Variants in SYCE2 observed in about 807,000 individuals in gnomAD.
The protein encoded by SYCE2 is central element synaptonemal complex 1.
Under a neutral mutation model 27.9 loss-of-function variants are expected in SYCE2, and 3 were observed. The ratio of observed to expected loss-of-function variants is 0.11; its 90% CI spans 0.05 to 0.28. The LOEUF is 0.28. Among genes scored for constraint, SYCE2 ranks in the 10% least tolerant of loss-of-function variants. The probability of loss-of-function intolerance (pLI) is 1.00; values close to 1 mark genes in which losing one functional copy is unlikely to be tolerated. For synonymous variants in SYCE2, 85 were observed against 100.7 expected, an observed-to-expected ratio of 0.84 and a Z score of 0.93; for missense variants, 207 against 263.5, an observed-to-expected ratio of 0.79 and a Z score of 1.48.
chr19:12,907,260 G>A (rs1970951080), intron 2 of SYCE2, among the ~76,000 whole-genome samples: 1 of 152,208 alleles, frequency 6.6e-6, no homozygotes, highest in Non-Finnish European at 1.5e-5. Flanking sequence ...CCTTCTCAAG[G>A]TGGAGGACAG....
Position 12,899,058 on chromosome 19 carries a change from G to C in SYCE2, c.*283C>G. On this transcript the variant is annotated 3_prime_UTR_variant, in exon 6 of 6. Coordinates refer to ENST00000293695, the MANE Select transcript of SYCE2 (RefSeq NM_001105578.2). ...GAGCTCAGGGGTGCTTTCAGCCTCT[G>C]TGGCAAGGAAGCGTGGCCAGGTTGA... The C allele has an allele frequency of 6.2e-6, 3 of 483,458 alleles. No homozygotes were observed. The South Asian group carries it at 6.5e-5, about 10-fold the overall frequency. The allele number at this position is 483,458 out of a possible 1,614,324, so 29.9% of individuals were successfully genotyped here.
intron 1 of SYCE2, 68 bp downstream of exon 1, chr19:12,919,175 G>A (rs940747374): frequency 1.6e-5 from 25 of 1,595,388 alleles, no homozygotes; most frequent in Non-Finnish European, 2.1e-5. Context: ...AGATGGCTGG[G>A]ATCGCAGCCG....
At chr19:12,901,998 A>G (rs916342086) in intron 3 of SYCE2, among the ~76,000 whole-genome samples, 2 of 152,220 alleles carry the variant, frequency 1.3e-5, no homozygotes, top group African/African-American at 4.8e-5. Context: ...CTGTATATAC[A>G]ATGATGGCCC....
At chr19:12,916,437 G>A (rs1971141476) in intron 2 of SYCE2, among the ~76,000 whole-genome samples, 1 of 152,018 alleles carries the variant, frequency 6.6e-6, no homozygotes, top group Non-Finnish European at 1.5e-5. Context: ...CTTCATACTT[G>A]CGGCCCCCTC....
chr19:12,918,571 C>T (rs1971181838), intron 1 of SYCE2, among the ~76,000 whole-genome samples: 1 of 152,072 alleles, frequency 6.6e-6, no homozygotes. Flanking sequence ...CGGGTGAGGG[C>T]AGGGCTGTGG....
At chr19:12,905,652 C>CT (rs896959689) in intron 2 of SYCE2, among the ~76,000 whole-genome samples, 21 of 146,328 alleles carry the variant, frequency 1.4e-4, no homozygotes, top group South Asian at 6.6e-4. Context: ...TTCTTATTTT[C>CT]TTTTTTTTTA....
intron 2 of SYCE2, among the ~76,000 whole-genome samples, chr19:12,908,008 A>T (rs1970969564): frequency 1.3e-5 from 2 of 152,056 alleles, no homozygotes; most frequent in South Asian, 4.2e-4. Flanking sequence ...GCTACTTAGG[A>T]GGCTGAGGTG....
At chr19:12,907,579 T>G (rs1457915567) in intron 2 of SYCE2, among the ~76,000 whole-genome samples, 2 of 150,424 alleles carry the variant, frequency 1.3e-5, no homozygotes, top group Admixed American at 1.3e-4. Flanking sequence ...TCACCAGAGA[T>G]CAGGAGTTCG....
intron 2 of SYCE2, among the ~76,000 whole-genome samples, chr19:12,915,790 C>G (rs1010514711): frequency 6.6e-6 from 1 of 152,090 alleles, no homozygotes; most frequent in Non-Finnish European, 1.5e-5. Flanking sequence ...CTTCCTTTAG[C>G]TCCCCCGAAT....
intron 2 of SYCE2, among the ~76,000 whole-genome samples, chr19:12,905,838 C>G (rs1402928240): frequency 6.6e-6 from 1 of 152,144 alleles, no homozygotes; most frequent in African/African-American, 2.4e-5. Flanking sequence ...CTGGGCTTCA[C>G]TATGTTATTC....
chr19:12,904,681 A>C lies in SYCE2; in HGVS notation c.132-15T>G, dbSNP rs1970900834. 1 of 1,612,686 alleles carries C rather than the reference A, an allele frequency of 6.2e-7. No individual in the cohort carries two copies. Among genetic ancestry groups the C allele is most frequent in the Non-Finnish European group, 8.5e-7 (1 of 1,179,854 alleles). On this transcript the variant is annotated splice_polypyrimidine_tract_variant and intron_variant, in intron 2 of 5. Coordinates refer to ENST00000293695, the MANE Select transcript of SYCE2 (RefSeq NM_001105578.2). Reference sequence around the variant, plus strand: ...GGCAACTGGCACTGGAGGTGGCGACACAAGGGCAAGAAACCTGACTTCTCA... The same window carrying C: ...GGCAACTGGCACTGGAGGTGGCGACCCAAGGGCAAGAAACCTGACTTCTCA...
At chr19:12,904,076 AC>A (rs1162418313) in intron 3 of SYCE2, among the ~76,000 whole-genome samples, 1 of 151,870 alleles carries the variant, frequency 6.6e-6, no homozygotes, top group Non-Finnish European at 1.5e-5. Context: ...TTGTGCCTCA[AC>A]CCCCTACTCC....
intron 4 of SYCE2, 84 bp from the exon 5 acceptor site, chr19:12,900,204 C>A: frequency 6.7e-7 from 1 of 1,486,344 alleles, no homozygotes. Flanking sequence ...GGCAGGGGTG[C>A]AAGGGACTTT....
chr19:12,914,534 A>T (rs546161024), intron 2 of SYCE2, among the ~76,000 whole-genome samples: 1 of 40,542 alleles, frequency 2.5e-5, no homozygotes, highest in African/African-American at 9.5e-5. Flanking sequence ...CACACCCCCC[A>T]TAAAAGCCTC....
chr19:12,908,044 C>G (rs952823776), intron 2 of SYCE2, among the ~76,000 whole-genome samples: 6 of 151,698 alleles, frequency 4.0e-5, no homozygotes, highest in African/African-American at 1.5e-4. Flanking sequence ...CCCGGGAGGT[C>G]AAGGCTGCAG....
chr19:12,907,338 A>T (rs1446789390), intron 2 of SYCE2, among the ~76,000 whole-genome samples: 1 of 152,152 alleles, frequency 6.6e-6, no homozygotes, highest in Non-Finnish European at 1.5e-5. Context: ...CTTCCTACTA[A>T]GGCACTCAGG....
rs377038584 is a variant in SYCE2 at position 12,919,281 on chromosome 19, T to A, written c.-24A>T. The stretch of plus-strand genomic sequence containing the variant: ...ATTCCGTATTTTCCCGCCTTCAAGC[T>A]CGCACCCTCTGCGCATGCGCCGACC... On this transcript the variant is annotated 5_prime_UTR_variant, in exon 1 of 6. Coordinates refer to ENST00000293695, the MANE Select transcript of SYCE2 (RefSeq NM_001105578.2). 1 of 1,609,188 alleles carries A rather than the reference T, an allele frequency of 6.2e-7. No homozygotes were observed. Among genetic ancestry groups the A allele is most frequent in the East Asian group, 2.2e-5 (1 of 44,868 alleles).
rs201975841 is a variant in SYCE2, at chr19:12,904,615, G to A, written c.183C>T (p.Ser61=). ...GGATGTCAATGCTTGAGTCCAGAGA[G>A]GAGAAGTAGAGTCCCGACTTCCCTT... ...VLEGKSGLYF[S]SLDSSIDILQ... Residue 61 remains serine (S), a synonymous_variant, in exon 3 of 6, where the codon TCC becomes TCT. Transcript: ENST00000293695. 6.2e-7 allele frequency: 1 copy of A among 1,614,036 alleles called. No homozygotes were observed. The highest frequency in any genetic ancestry group is 2.2e-5 in the East Asian group (1 of 44,872).
chr19:12,917,333 C>T (rs1440772350), intron 2 of SYCE2, among the ~76,000 whole-genome samples: 1 of 152,108 alleles, frequency 6.6e-6, no homozygotes, highest in Non-Finnish European at 1.5e-5. Context: ...GGATTACAGG[C>T]GTAAGCCACC....
Sources: allele counts gnomAD v4.1 joint callset (sites outside exome capture counted in the v4.1 genomes callset), GRCh38; gene constraint gnomAD v4.1.1; transcripts MANE v1.5; gene names NCBI Gene and HGNC (gene_info 2026-07-23, HGNC 2026-07-21).